DNAH11: variants seen among roughly 807,000 people sequenced by gnomAD.
DNAH11 encodes the protein axonemal beta dynein heavy chain 11.
In DNAH11, 442 loss-of-function variants were observed where a neutral mutation model predicts 526.0. The observed-to-expected ratio is 0.84, with a 90% confidence interval of 0.78 to 0.91. The LOEUF (loss-of-function observed/expected upper bound fraction) is 0.91, where lower values mean the gene tolerates loss of function less well. Ranked by LOEUF, DNAH11 falls within the 40% of genes least tolerant of loss-of-function variation. DNAH11 has a pLI of 0.00. For missense variants in DNAH11, 6,989 were observed against 5,448.7 expected, an observed-to-expected ratio of 1.28 and a Z score of -8.90; for synonymous variants, 2,461 against 1,935.9, an observed-to-expected ratio of 1.27 and a Z score of -7.12.
chr7:21,701,285 T>A (rs538431831), intron 36 of DNAH11, among the ~76,000 whole-genome samples: 8 of 149,502 alleles, frequency 5.4e-5, no homozygotes, highest in Admixed American at 2.7e-4. Context: ...CCAAACACTT[T>A]TTACTTTTTT....
At chr7:21,780,763 A>G (rs1787906649) in intron 57 of DNAH11, among the ~76,000 whole-genome samples, 1 of 152,152 alleles carries the variant, frequency 6.6e-6, no homozygotes, top group Admixed American at 6.6e-5. Context: ...ACTTCTAAAC[A>G]TTTTCATTTT....
Position 21,740,989 on chromosome 7 carries a change from T to C in DNAH11, c.7915-938T>C, listed in dbSNP as rs181352686. Among the ~76,000 whole-genome samples, 45 of 152,342 alleles carry C rather than the reference T, an allele frequency of 3.0e-4. 1 individual carries two copies. In the East Asian group the frequency reaches 4.4e-3, roughly 15 times the overall value. On this transcript the variant is annotated intron_variant, in intron 48 of 81. Transcript: ENST00000409508. ...TTTTCCTAATGATTAGTGATGTTTTTTATGTGCTTATTGTTCATTTTTGTA... is the reference window on the plus strand; with the variant it reads ...TTTTCCTAATGATTAGTGATGTTTTCTATGTGCTTATTGTTCATTTTTGTA...
chr7:21,699,060 A>G (rs796262951), intron 36 of DNAH11, among the ~76,000 whole-genome samples: 13 of 152,256 alleles, frequency 8.5e-5, no homozygotes, highest in African/African-American at 3.1e-4. Flanking sequence ...GTAATCATAA[A>G]TGGAATTTTA....
chr7:21,606,615 CTTTTTT>C lies in DNAH11; in HGVS notation c.3766-17_3766-12del, dbSNP rs372802563. 789 of 1,194,888 alleles carry C rather than the reference CTTTTTT, an allele frequency of 6.6e-4. 1 individual carries two copies. Among genetic ancestry groups the C allele is most frequent in the South Asian group, 2.5e-3 (160 of 63,478 alleles). 74.0% of individuals were successfully genotyped at this position (1,194,888 alleles called of 1,614,324 possible). On this transcript the variant is annotated intron_variant, in intron 19 of 81. Coordinates refer to ENST00000409508, the MANE Select transcript of DNAH11 (RefSeq NM_001277115.2). ...AATTGAAGTATTTGTTTGAAATTCA[CTTTTTT>C]TTTTTTTTTTTTTTGCAATGATCAG...
chr7:21,871,133 G>T (rs1783478129), intron 73 of DNAH11, among the ~76,000 whole-genome samples: 1 of 152,172 alleles, frequency 6.6e-6, no homozygotes, highest in Admixed American at 6.5e-5. Flanking sequence ...CCCTCTAAAG[G>T]TGTTTAGATA....
chr7:21,615,009 C>T (rs1340504045), intron 20 of DNAH11, 105 bp from the exon 21 acceptor site: 21 of 1,276,792 alleles, frequency 1.6e-5, no homozygotes, highest in East Asian at 1.5e-4. Flanking sequence ...TTTATTTTCC[C>T]GTTAAAAATC....
intron 57 of DNAH11, among the ~76,000 whole-genome samples, chr7:21,782,874 C>T (rs1377492170): frequency 6.7e-6 from 1 of 149,808 alleles, no homozygotes; most frequent in Non-Finnish European, 1.5e-5. Context: ...CATGCCACTG[C>T]ACTCCAGCCT....
At position 21,710,728 on chromosome 7, in the gene DNAH11, C is replaced by T. The variant is rs765093222; in HGVS notation, c.6834+25C>T. On this transcript the variant is annotated intron_variant, in intron 41 of 81. Coordinates refer to ENST00000409508, the MANE Select transcript of DNAH11 (RefSeq NM_001277115.2). ...GGTGAATAAAACCTCTGTTCTCAAC[C>T]TTAAATATAACATCCTGAGTGTATT... The T allele has an allele frequency of 4.4e-6, 7 of 1,595,176 alleles. No individual in the cohort carries two copies. In the Admixed American group the frequency reaches 5.3e-5, roughly 12 times the overall value.
At chr7:21,663,053 C>A (rs1255242465) in intron 30 of DNAH11, among the ~76,000 whole-genome samples, 1 of 152,022 alleles carries the variant, frequency 6.6e-6, no homozygotes, top group African/African-American at 2.4e-5. Flanking sequence ...TTGTTTAGCT[C>A]CCACTTATAG....
At chr7:21,614,964 C>CAG (rs1785696083) in intron 20 of DNAH11, 150 bp from the exon 21 acceptor site, 1 of 897,696 alleles carries the variant, frequency 1.1e-6, no homozygotes, top group Non-Finnish European at 1.6e-6. Flanking sequence ...CTTCTAAAAC[C>CAG]TACATTTTGC....
At position 21,601,414 on chromosome 7, in the gene DNAH11, A is replaced by G. The variant is rs1785080608; in HGVS notation, c.3444A>G (p.Glu1148=). 1 of 1,612,666 alleles carries G rather than the reference A, an allele frequency of 6.2e-7. No homozygotes were observed. Among genetic ancestry groups the G allele is most frequent in the Non-Finnish European group, 8.5e-7 (1 of 1,179,252 alleles). The change falls in exon 18 of 82, where the codon GAA becomes GAG. Residue 1148 remains glutamate (E), a synonymous_variant. Transcript: ENST00000409508. ...FVIDSLNELQ[E]FIKETDSGLQ... is the part of the protein sequence containing the mutation. Reference sequence around the variant, plus strand: ...TTAATAGTCTGAATGAGCTACAAGAATTTATAAAGGAGACAGATTCCGGAC... The same window carrying G: ...TTAATAGTCTGAATGAGCTACAAGAGTTTATAAAGGAGACAGATTCCGGAC...
At chr7:21,874,176 T>C (rs1783611588) in intron 74 of DNAH11, among the ~76,000 whole-genome samples, 2 of 152,112 alleles carry the variant, frequency 1.3e-5, no homozygotes. Flanking sequence ...TTGTTGATGA[T>C]GGCGACAGTA....
chr7:21,850,181 C>G (rs566589568), intron 66 of DNAH11, among the ~76,000 whole-genome samples: 1 of 146,030 alleles, frequency 6.8e-6, no homozygotes, highest in Admixed American at 6.6e-5. Context: ...ACGGTGAAAC[C>G]CCATCTCTAC....
chr7:21,562,219 G>A (rs1248492425), intron 5 of DNAH11, among the ~76,000 whole-genome samples: 4 of 152,058 alleles, frequency 2.6e-5, no homozygotes, highest in African/African-American at 9.7e-5. Context: ...TAATTTTTTT[G>A]TTGTGGGGGG....
chr7:21,638,846 A>C, intron 27 of DNAH11, 93 bp from the exon 28 acceptor site: 1 of 1,427,886 alleles, frequency 7.0e-7, no homozygotes, highest in Non-Finnish European at 9.5e-7. Flanking sequence ...GTTTACTATA[A>C]TGAATGGACA....
At chr7:21,830,276 A>T (rs200654080) in intron 65 of DNAH11, among the ~76,000 whole-genome samples, 6 of 152,088 alleles carry the variant, frequency 3.9e-5, no homozygotes, top group East Asian at 1.9e-4. Flanking sequence ...ATTGTAAAAA[A>T]ATTATGAATT....
intron 66 of DNAH11, among the ~76,000 whole-genome samples, chr7:21,844,079 C>G (rs770061583): frequency 1.3e-5 from 2 of 152,132 alleles, no homozygotes; most frequent in Non-Finnish European, 2.9e-5. Context: ...GGCTTCCATG[C>G]CTAATTTGGC....
At position 21,589,217 on chromosome 7, in the gene DNAH11, C is replaced by G. The variant is rs1260987946; in HGVS notation, c.1983C>G (p.Gly661=). 1.3e-6 allele frequency: 2 copies of G among 1,595,218 alleles called. No individual in the cohort carries two copies. The highest frequency in any genetic ancestry group is 1.2e-5 in the South Asian group (1 of 85,586). ...AACCTTATTCCTACAGATTTTTGGG[C>G]AATCCTGATCACGCTTTAGTTTATC... ...NFASLRYLFL[G]NPDHALVYQK... Residue 661 remains glycine (G), a synonymous_variant, in exon 12 of 82, where the codon GGC becomes GGG. Transcript: ENST00000409508.
chr7:21,597,895 T>G lies in DNAH11; in HGVS notation c.2668-1892T>G, dbSNP rs553959814. 8.5e-5 allele frequency among the ~76,000 whole-genome samples: 13 copies of G among 152,326 alleles called. No homozygotes were observed. The South Asian group carries it at 2.7e-3, about 32-fold the overall frequency. ...GGGGCCAGGGCAGCTGTGTATACTT[T>G]CCTAGGGTGTGTACTGCACAATTCC... On this transcript the variant is annotated intron_variant, in intron 14 of 81. Transcript: ENST00000409508.
Sources: gnomAD v4.1 joint callset for allele counts (sites outside exome capture counted in the v4.1 genomes callset) on GRCh38, gnomAD v4.1.1 for gene constraint, MANE v1.5 for transcripts, NCBI Gene and HGNC (gene_info 2026-07-23, HGNC 2026-07-21) for gene names.